Variants in LRRFIP2 observed in about 807,000 individuals in gnomAD.
The protein encoded by LRRFIP2 is leucine-rich repeat flightless-interacting protein 2.
In LRRFIP2, 109 loss-of-function variants were observed where a neutral mutation model predicts 125.9. The ratio of observed to expected loss-of-function variants is 0.87; its 90% CI spans 0.74 to 1.01. The LOEUF (loss-of-function observed/expected upper bound fraction) is 1.01, where lower values mean the gene tolerates loss of function less well. Ranked by LOEUF, LRRFIP2 falls within the 50% of genes least tolerant of loss-of-function variation. LRRFIP2 has a pLI of 0.00. For synonymous variants in LRRFIP2, 291 were observed against 293.1 expected (o/e 0.99, Z 0.07); for missense variants, 850 against 862.3 (o/e 0.99, Z 0.18).
In LRRFIP2 at chr3:37,060,613, T is replaced by C. The variant is rs998546244; in HGVS notation, c.1750-1703A>G. Among the ~76,000 whole-genome samples the C allele has an allele frequency of 6.6e-6, 1 of 152,046 alleles. No homozygotes were observed. Among genetic ancestry groups the C allele is most frequent in the Non-Finnish European group, 1.5e-5 (1 of 67,972 alleles). On this transcript the variant is annotated intron_variant, in intron 24 of 27. Coordinates refer to ENST00000336686, the MANE Select transcript of LRRFIP2 (RefSeq NM_006309.4). The surrounding 1 kb of genome is among the most constrained non-coding windows in gnomAD (Gnocchi z 4.1). Reference sequence around the variant, plus strand: ...CCACCATGCCCGGCCCTTTTTTTTTTTGTACTTCCACAGCTTCCTACCACT... The same window carrying C: ...CCACCATGCCCGGCCCTTTTTTTTTCTGTACTTCCACAGCTTCCTACCACT...
chr3:37,053,949 G>C lies in LRRFIP2; in HGVS notation c.2068C>G (p.Leu690Val), dbSNP rs1206922213. ...ATCTCCATCTCCTCAATCTTGTCCAGTGCTGTTCGTAACTGGAGACAGGGA... is the reference window on the plus strand; with the variant it reads ...ATCTCCATCTCCTCAATCTTGTCCACTGCTGTTCGTAACTGGAGACAGGGA... ...RKLQRELRTA[L>V]DKIEEMEMTN... Residue 690 changes from leucine to valine, a missense_variant, in exon 28 of 28, where the codon CTG becomes GTG. Leu to Val is a conservative substitution (Grantham distance 32, BLOSUM62 1). Coordinates refer to ENST00000336686, the MANE Select transcript of LRRFIP2 (RefSeq NM_006309.4). 6.2e-7 allele frequency: 1 copy of C among 1,609,066 alleles called. No individual in the cohort carries two copies. Among genetic ancestry groups the C allele is most frequent in the East Asian group, 2.2e-5 (1 of 44,844 alleles).
chr3:37,076,632 C>T (rs918085724), intron 19 of LRRFIP2, among the ~76,000 whole-genome samples: 68 of 152,022 alleles, frequency 4.5e-4, no homozygotes, highest in African/African-American at 1.6e-3. Context: ...TTTGGGAGGC[C>T]GAGGTGGGCG....
upstream of LRRFIP2, among the ~76,000 whole-genome samples, chr3:37,175,531 G>A (rs1424003505): frequency 6.6e-6 from 1 of 152,194 alleles, no homozygotes; most frequent in African/African-American, 2.4e-5. Flanking sequence ...GCTGACTGGA[G>A]TTCTGTAACT....
At chr3:37,113,465 T>C (rs2094632761) in intron 7 of LRRFIP2, among the ~76,000 whole-genome samples, 1 of 152,030 alleles carries the variant, frequency 6.6e-6, no homozygotes, top group Non-Finnish European at 1.5e-5. Flanking sequence ...CCCAGCTAAT[T>C]TGGGGTTGGG....
intron 1 of LRRFIP2, among the ~76,000 whole-genome samples, chr3:37,164,646 G>A (rs1237183682): frequency 6.6e-6 from 1 of 151,850 alleles, no homozygotes; most frequent in Non-Finnish European, 1.5e-5. Flanking sequence ...GCTTGAATGT[G>A]GGAGGCAGAG....
chr3:37,109,044 A>C (rs1230920323), intron 11 of LRRFIP2, among the ~76,000 whole-genome samples: 1 of 152,202 alleles, frequency 6.6e-6, no homozygotes, highest in Non-Finnish European at 1.5e-5. Context: ...TAAGTTATAA[A>C]ACCTCAGGAT....
intron 7 of LRRFIP2, among the ~76,000 whole-genome samples, chr3:37,114,609 C>G (rs1269218989): frequency 1.3e-5 from 2 of 151,684 alleles, no homozygotes; most frequent in African/African-American, 4.8e-5. Context: ...ATAGCAAAAC[C>G]CCATCTCTAC....
chr3:37,148,868 G>C, intron 2 of LRRFIP2, 26 bp downstream of exon 2: 1 of 1,613,510 alleles, frequency 6.2e-7, no homozygotes, highest in Non-Finnish European at 8.5e-7. Flanking sequence ...GCAACTCAGT[G>C]TTGAGAGGGG....
intron 1 of LRRFIP2, among the ~76,000 whole-genome samples, chr3:37,150,612 T>C (rs557417603): frequency 6.6e-6 from 1 of 152,186 alleles, no homozygotes; most frequent in Non-Finnish European, 1.5e-5. Flanking sequence ...GTATTTGAGA[T>C]TAAAGATTAC....
chr3:37,158,515 G>A (rs1444626407), intron 1 of LRRFIP2, among the ~76,000 whole-genome samples: 2 of 151,824 alleles, frequency 1.3e-5, no homozygotes, highest in African/African-American at 4.8e-5. Flanking sequence ...GCTGAGGCAG[G>A]AGAATTGCTT....
intron 6 of LRRFIP2, among the ~76,000 whole-genome samples, chr3:37,115,574 T>C (rs1288101434): frequency 2.0e-5 from 3 of 152,196 alleles, no homozygotes; most frequent in Non-Finnish European, 2.9e-5. Flanking sequence ...AAAAGAACAA[T>C]TGCAGCACCA....
Position 37,091,526 on chromosome 3 carries a change from G to A in LRRFIP2, c.1048C>T (p.Leu350Phe). 1 of 1,609,274 alleles carries A rather than the reference G, an allele frequency of 6.2e-7. No individual in the cohort carries two copies. The highest frequency in any genetic ancestry group is 2.2e-5 in the East Asian group (1 of 44,636). ...TCTACATCCTGTATCTGGTCCTTAAGGTCATAGATATCCTGCAGGACATAG... is the reference window on the plus strand; with the variant it reads ...TCTACATCCTGTATCTGGTCCTTAAAGTCATAGATATCCTGCAGGACATAG... ...SLSELRDIYD[L>F]KDQIQDVEGR... Residue 350 changes from leucine to phenylalanine, a missense_variant, in exon 18 of 28, where the codon CTT becomes TTT. Physicochemically the swap from Leu to Phe is conservative, Grantham distance 22. Coordinates refer to ENST00000336686, the MANE Select transcript of LRRFIP2 (RefSeq NM_006309.4).
intron 1 of LRRFIP2, among the ~76,000 whole-genome samples, chr3:37,150,416 T>C (rs2095989882): frequency 6.6e-6 from 1 of 151,908 alleles, no homozygotes; most frequent in Admixed American, 6.6e-5. Flanking sequence ...GAGCCGAGGT[T>C]GCACCACTGC....
intron 19 of LRRFIP2, among the ~76,000 whole-genome samples, chr3:37,077,445 TAAG>T (rs1006793916): frequency 3.3e-5 from 5 of 152,214 alleles, no homozygotes; most frequent in East Asian, 1.9e-4. Context: ...TACTATTTTC[TAAG>T]AAGAGTAAGA....
chr3:37,131,122 G>C (rs183902728), intron 2 of LRRFIP2, among the ~76,000 whole-genome samples: 54 of 152,224 alleles, frequency 3.5e-4, no homozygotes, highest in Admixed American at 2.0e-3. Context: ...GCATCTGCTG[G>C]GGGGCTTGGA....
chr3:37,121,556 A>G lies in LRRFIP2; in HGVS notation c.286-20T>C, dbSNP rs776326118. On this transcript the variant is annotated intron_variant, in intron 5 of 27. Transcript: ENST00000336686. ...AACTCCCTGATAAAAATGAAAATAA[A>G]CACAGTAAAAGTTTGTGAGTGATTA... is the stretch of plus-strand genomic sequence containing the variant. 2 of 1,613,666 alleles carry G rather than the reference A, an allele frequency of 1.2e-6. No homozygotes were observed. The highest frequency in any genetic ancestry group is 1.7e-6 in the Non-Finnish European group (2 of 1,179,684).
chr3:37,165,147 A>G (rs748888108), intron 1 of LRRFIP2, among the ~76,000 whole-genome samples: 1 of 151,680 alleles, frequency 6.6e-6, no homozygotes, highest in Non-Finnish European at 1.5e-5. Flanking sequence ...AGGCAGGAGA[A>G]TGGCGTGAAC....
chr3:37,097,334 T>C lies in LRRFIP2; in HGVS notation c.874-674A>G, dbSNP rs1017954898. On this transcript the variant is annotated intron_variant, in intron 15 of 27. Coordinates refer to ENST00000336686, the MANE Select transcript of LRRFIP2 (RefSeq NM_006309.4). ...AAAATTCTAGTAAGTGTCCCATATA[T>C]GTTCTACATCTTCTTTTTCCCCTTA... Among the ~76,000 whole-genome samples the C allele has an allele frequency of 6.6e-5, 10 of 152,172 alleles. No individual in the cohort carries two copies. The East Asian group carries it at 7.7e-4, about 12-fold the overall frequency.
In LRRFIP2 at chr3:37,094,782, T is replaced by C; in HGVS notation, c.1035+10A>G. The C allele has an allele frequency of 6.3e-7, 1 of 1,596,278 alleles. No individual in the cohort carries two copies. The highest frequency in any genetic ancestry group is 8.6e-7 in the Non-Finnish European group (1 of 1,164,564). ...TGCTTTTAAAAAGAAAACCAAAAACTTCAGTTTACCCGCAATTCACTTAAT... is the reference window on the plus strand; with the variant it reads ...TGCTTTTAAAAAGAAAACCAAAAACCTCAGTTTACCCGCAATTCACTTAAT... On this transcript the variant is annotated intron_variant, in intron 17 of 27. Transcript: ENST00000336686.
Sources: gnomAD v4.1 joint callset for allele counts (sites outside exome capture counted in the v4.1 genomes callset) on GRCh38, gnomAD v4.1.1 for gene constraint, Gnocchi (gnomAD v3.1) non-coding constraint, MANE v1.5 for transcripts, NCBI Gene and HGNC (gene_info 2026-07-23, HGNC 2026-07-21) for gene names.